CLSTN2: variants seen among roughly 807,000 people sequenced by gnomAD.
The protein encoded by CLSTN2 is calsyntenin-2.
In CLSTN2, 48 loss-of-function variants were observed where a neutral mutation model predicts 101.2. The observed-to-expected ratio is 0.47, with a 90% CI of 0.38 to 0.60. CLSTN2 has a LOEUF of 0.60. CLSTN2 is among the 20% of genes least tolerant of loss of function. The pLI, the probability that CLSTN2 is intolerant of heterozygous loss-of-function variation, is 0.00. For missense variants in CLSTN2, 1,160 were observed against 1,238.2 expected (o/e 0.94, Z 0.95); for synonymous variants, 481 against 463.6 (o/e 1.04, Z -0.48).
Position 140,332,705 on chromosome 3 carries a change from C to CA in CLSTN2, c.233-70908dup, listed in dbSNP as rs66752830. ...GCTTGTTTTTTCTTTTCTTTTCTGG[C>CA]AAAAAAAAAAAAAAAATTATAGGAA... On this transcript the variant is annotated intron_variant, in intron 2 of 16. Coordinates refer to ENST00000458420, the MANE Select transcript of CLSTN2 (RefSeq NM_022131.3). Among the ~76,000 whole-genome samples the CA allele has an allele frequency of 7.2e-3, 1,002 of 139,256 alleles. 12 individuals are homozygous for CA. Among genetic ancestry groups the CA allele is most frequent in the East Asian group, 0.071 (310 of 4,348 alleles). 91.4% of individuals were successfully genotyped at this position (139,256 alleles called of 152,430 possible). A position where few individuals can be genotyped will look rare whatever the true frequency, so the allele number is the denominator to read the frequency against.
chr3:140,180,452 T>C (rs188844046), intron 2 of CLSTN2, among the ~76,000 whole-genome samples: 1 of 152,318 alleles, frequency 6.6e-6, no homozygotes, highest in Admixed American at 6.5e-5. Context: ...CTCTGTAGAT[T>C]TGACCTTCTT....
intron 2 of CLSTN2, among the ~76,000 whole-genome samples, chr3:140,216,957 C>T (rs1390006340): frequency 6.6e-6 from 1 of 152,146 alleles, no homozygotes; most frequent in East Asian, 1.9e-4. Flanking sequence ...AAAACCCATG[C>T]AGTAGACATG....
chr3:140,366,851 G>T lies in CLSTN2; in HGVS notation c.233-36778G>T, dbSNP rs193260147. Among the ~76,000 whole-genome samples the T allele has an allele frequency of 2.0e-5, 3 of 152,360 alleles. No individual in the cohort carries two copies. In the East Asian group the frequency reaches 5.8e-4, roughly 29 times the overall value. On this transcript the variant is annotated intron_variant, in intron 2 of 16. Coordinates refer to ENST00000458420, the MANE Select transcript of CLSTN2 (RefSeq NM_022131.3). ...AGGGACCAGCTGGCAACTAGGAAAT[G>T]TTGAAGAGCCGATGTCCTGGGCGTT...
At chr3:140,043,468 G>C (rs538584919) in intron 1 of CLSTN2, among the ~76,000 whole-genome samples, 213 of 152,282 alleles carry the variant, frequency 1.4e-3, no homozygotes, top group African/African-American at 4.8e-3. Flanking sequence ...CTCCCATTCT[G>C]TAGGTTGCCT....
chr3:140,446,103 T>G (rs934806380), intron 5 of CLSTN2, among the ~76,000 whole-genome samples: 1 of 152,138 alleles, frequency 6.6e-6, no homozygotes, highest in Non-Finnish European at 1.5e-5. Flanking sequence ...CAGCTGGCCA[T>G]GTGTGTGGAG....
intron 1 of CLSTN2, among the ~76,000 whole-genome samples, chr3:139,988,557 T>G (rs1936066806): frequency 6.6e-6 from 1 of 152,186 alleles, no homozygotes; most frequent in Non-Finnish European, 1.5e-5. Flanking sequence ...CCCCAGAAAC[T>G]TTCTTGTGAT....
intron 8 of CLSTN2, among the ~76,000 whole-genome samples, chr3:140,517,937 A>G (rs1332548841): frequency 2.0e-5 from 3 of 152,172 alleles, no homozygotes; most frequent in Non-Finnish European, 4.4e-5. Context: ...GAGAAAGACC[A>G]TCAGGTGGTG....
intron 1 of CLSTN2, among the ~76,000 whole-genome samples, chr3:139,974,500 A>G (rs965553285): frequency 1.3e-5 from 2 of 152,162 alleles, no homozygotes; most frequent in Non-Finnish European, 2.9e-5. Flanking sequence ...TGATCTCCCC[A>G]GGGCCCAGCA....
At chr3:140,188,535 T>C (rs2010514000) in intron 2 of CLSTN2, among the ~76,000 whole-genome samples, 1 of 152,076 alleles carries the variant, frequency 6.6e-6, no homozygotes, top group South Asian at 2.1e-4. Context: ...GCTGGTGTGC[T>C]TCCCAGATCA....
At chr3:140,385,452 T>G (rs1387743124) in intron 2 of CLSTN2, among the ~76,000 whole-genome samples, 4 of 140,184 alleles carry the variant, frequency 2.9e-5, no homozygotes, top group Admixed American at 2.3e-4. Context: ...CGCTGTAAAC[T>G]CCTCCTCCCG....
intron 8 of CLSTN2, among the ~76,000 whole-genome samples, chr3:140,474,148 G>A (rs967431367): frequency 2.0e-5 from 3 of 152,244 alleles, no homozygotes; most frequent in South Asian, 2.1e-4. Flanking sequence ...TACCTCACTT[G>A]TGAGCCTTTG....
At chr3:140,276,735 G>GT (rs965623195) in intron 2 of CLSTN2, among the ~76,000 whole-genome samples, 18 of 152,244 alleles carry the variant, frequency 1.2e-4, no homozygotes, top group African/African-American at 3.4e-4. Flanking sequence ...AATATCCTCA[G>GT]TCCTTGGAAA....
chr3:140,233,647 A>C (rs534599809), intron 2 of CLSTN2, among the ~76,000 whole-genome samples: 1 of 152,192 alleles, frequency 6.6e-6, no homozygotes, highest in African/African-American at 2.4e-5. Context: ...TCCCTGCCAT[A>C]AATGGTCTCA....
chr3:140,020,222 T>C (rs1433096901), intron 1 of CLSTN2, among the ~76,000 whole-genome samples: 1 of 152,164 alleles, frequency 6.6e-6, no homozygotes, highest in Non-Finnish European at 1.5e-5. Flanking sequence ...GAAGCGAACA[T>C]TCAGTACCTG....
chr3:140,135,452 AT>A (rs1274422441), intron 1 of CLSTN2, among the ~76,000 whole-genome samples: 2 of 152,118 alleles, frequency 1.3e-5, no homozygotes, highest in African/African-American at 4.8e-5. Context: ...AGTTGATTCA[AT>A]ATGTCATTTC....
intron 2 of CLSTN2, among the ~76,000 whole-genome samples, chr3:140,329,967 A>G (rs559063915): frequency 7.9e-5 from 12 of 152,224 alleles, no homozygotes; most frequent in Non-Finnish European, 1.3e-4. Flanking sequence ...GCCCCTGAGA[A>G]CTGGCAGGAT....
At chr3:140,499,429 T>C (rs143867520) in intron 8 of CLSTN2, among the ~76,000 whole-genome samples, 414 of 152,344 alleles carry the variant, frequency 2.7e-3, no homozygotes, top group African/African-American at 9.7e-3. Context: ...TTGGACCTTA[T>C]AATTAAATGG....
At chr3:140,364,195 C>A (rs189420265) in intron 2 of CLSTN2, among the ~76,000 whole-genome samples, 1 of 152,074 alleles carries the variant, frequency 6.6e-6, no homozygotes, top group Non-Finnish European at 1.5e-5. Context: ...GTGAAGCAGA[C>A]AGTCATGGGT....
chr3:140,490,111 TATATATACACACACACAC>T lies in CLSTN2; in HGVS notation c.1344+23382_1344+23399del, dbSNP rs1934322183. Among the ~76,000 whole-genome samples, 29 of 7,562 alleles carry T rather than the reference TATATATACACACACACAC, an allele frequency of 3.8e-3. 8 individuals are homozygous for T. Among genetic ancestry groups the T allele is most frequent in the African/African-American group, 0.015 (23 of 1,570 alleles). The allele number at this position is 7,562 out of a possible 152,430, so 5.0% of individuals were successfully genotyped here. A position where few individuals can be genotyped will look rare whatever the true frequency, so the allele number is the denominator to read the frequency against. On this transcript the variant is annotated intron_variant, in intron 8 of 16. Transcript: ENST00000458420. ...GTGTATATATATATATATATATATA[TATATATACACACACACAC>T]ACACACACACACACACACACACACA...
Sources: gnomAD v4.1 joint callset for allele counts (sites outside exome capture counted in the v4.1 genomes callset) on GRCh38, gnomAD v4.1.1 for gene constraint, MANE v1.5 for transcripts, NCBI Gene and HGNC (gene_info 2026-07-23, HGNC 2026-07-21) for gene names.